MAGI1: variants seen among roughly 807,000 people sequenced by gnomAD.
The protein encoded by MAGI1 is membrane associated guanylate kinase, WW and PDZ domain containing 1.
A neutral mutation model predicts 139.9 loss-of-function variants in MAGI1; 58 were observed. The observed-to-expected ratio is 0.41, with a 90% CI of 0.34 to 0.52. The LOEUF is 0.52. Ranked by LOEUF, MAGI1 falls within the 20% of genes least tolerant of loss-of-function variation. The pLI is 0.12. For synonymous variants in MAGI1, 812 were observed against 737.9 expected, an observed-to-expected ratio of 1.10 and a Z score of -1.63; for missense variants, 1,874 against 1,901.6, an observed-to-expected ratio of 0.99 and a Z score of 0.27.
At chr3:65,615,839 T>A (rs1160478289) in intron 2 of MAGI1, among the ~76,000 whole-genome samples, 1 of 152,198 alleles carries the variant, frequency 6.6e-6, no homozygotes, top group Non-Finnish European at 1.5e-5. Context: ...ACATAAATCA[T>A]AGCTCACCTT....
At chr3:65,578,305 T>C (rs2081266714) in intron 2 of MAGI1, among the ~76,000 whole-genome samples, 2 of 152,168 alleles carry the variant, frequency 1.3e-5, no homozygotes, top group Admixed American at 1.3e-4. Context: ...CTGGACATAC[T>C]GTATTTGATA....
chr3:65,375,704 G>GAA, intron 18 of MAGI1, 41 bp downstream of exon 18: 1 of 1,372,208 alleles, frequency 7.3e-7, no homozygotes, highest in Non-Finnish European at 1.0e-6. Context: ...CAGAGAGAGA[G>GAA]AAAAAGAGAG....
At chr3:65,635,305 C>T (rs1026962439) in intron 1 of MAGI1, among the ~76,000 whole-genome samples, 1 of 152,094 alleles carries the variant, frequency 6.6e-6, no homozygotes. Context: ...CCTCATGATC[C>T]TCCTGCCTCG....
chr3:65,877,386 A>C (rs1381300747), intron 1 of MAGI1, among the ~76,000 whole-genome samples: 2 of 152,144 alleles, frequency 1.3e-5, no homozygotes, highest in Non-Finnish European at 1.5e-5. Context: ...TAGGGCACAA[A>C]CATAAATGTT....
rs185208233 is a variant in MAGI1, at chr3:65,970,209, G to T, written c.313+67787C>A. ...ATGCTACAACGTGAATAACCTTGAAGACATTTTGCTAAGTGAACTATGCCG... is the reference window on the plus strand; with the variant it reads ...ATGCTACAACGTGAATAACCTTGAATACATTTTGCTAAGTGAACTATGCCG... On this transcript the variant is annotated intron_variant, in intron 1 of 22. Transcript: ENST00000402939. 3.3e-5 allele frequency among the ~76,000 whole-genome samples: 5 copies of T among 152,272 alleles called. No homozygotes were observed. The East Asian group carries it at 9.6e-4, about 29-fold the overall frequency.
chr3:65,879,000 G>C (rs570043148), intron 1 of MAGI1, among the ~76,000 whole-genome samples: 78 of 152,158 alleles, frequency 5.1e-4, no homozygotes, highest in Middle Eastern at 6.8e-3. Flanking sequence ...CTCCTGCTGG[G>C]GGTTGCAGTG....
chr3:66,032,376 A>ATT lies in MAGI1; in HGVS notation c.313+5619_313+5620insAA, dbSNP rs2068656807. Among the ~76,000 whole-genome samples the ATT allele has an allele frequency of 3.5e-5, 3 of 86,140 alleles. No individual in the cohort carries two copies. In the South Asian group the frequency reaches 1.0e-3, roughly 30 times the overall value. The allele number at this position is 86,140 out of a possible 152,430, so 56.5% of individuals were successfully genotyped here. On this transcript the variant is annotated intron_variant, in intron 1 of 22. Coordinates refer to ENST00000402939, the MANE Select transcript of MAGI1 (RefSeq NM_001033057.2). ...CAGGCGCCCACCACCACGCCCGGCT[A>ATT]ATTTTTTTGTTTTTTTTTTTTTTTT... is the stretch of plus-strand genomic sequence containing the variant.
intron 1 of MAGI1, among the ~76,000 whole-genome samples, chr3:65,782,433 A>G (rs1380587758): frequency 6.6e-6 from 1 of 152,168 alleles, no homozygotes; most frequent in Admixed American, 6.5e-5. Flanking sequence ...TTAGCCCAGC[A>G]TCACCAGTCA....
chr3:65,520,680 G>A (rs573035121), intron 2 of MAGI1, among the ~76,000 whole-genome samples: 2 of 152,142 alleles, frequency 1.3e-5, no homozygotes, highest in South Asian at 2.1e-4. Context: ...CACAACTCCC[G>A]GATTTCCACT....
intron 2 of MAGI1, among the ~76,000 whole-genome samples, chr3:65,515,796 T>C (rs1042242940): frequency 6.6e-6 from 1 of 152,186 alleles, no homozygotes; most frequent in African/African-American, 2.4e-5. Context: ...CCAAATCATA[T>C]GGTCCAATAC....
At chr3:65,803,356 C>A (rs964969959) in intron 1 of MAGI1, among the ~76,000 whole-genome samples, 2 of 152,054 alleles carry the variant, frequency 1.3e-5, no homozygotes, top group Admixed American at 6.6e-5. Flanking sequence ...CATTTTCCCT[C>A]AATGCTCAAT....
intron 1 of MAGI1, among the ~76,000 whole-genome samples, chr3:65,835,841 T>G (rs1347939685): frequency 6.6e-6 from 1 of 152,194 alleles, no homozygotes; most frequent in African/African-American, 2.4e-5. Context: ...GCCCTGTGCT[T>G]GAAACCAGAA....
chr3:65,502,961 G>T (rs533809719), intron 2 of MAGI1, among the ~76,000 whole-genome samples: 2 of 152,258 alleles, frequency 1.3e-5, no homozygotes, highest in South Asian at 4.1e-4. Flanking sequence ...AAAAATCCAT[G>T]ATACAGGTAA....
At chr3:65,768,382 T>C (rs2037669029) in intron 1 of MAGI1, among the ~76,000 whole-genome samples, 1 of 151,990 alleles carries the variant, frequency 6.6e-6, no homozygotes, top group Non-Finnish European at 1.5e-5. Flanking sequence ...ATCACGCCAC[T>C]GGACTCCAAC....
At chr3:65,921,934 AC>A (rs1560016195) in intron 1 of MAGI1, among the ~76,000 whole-genome samples, 3 of 151,558 alleles carry the variant, frequency 2.0e-5, no homozygotes, top group Non-Finnish European at 4.4e-5. Flanking sequence ...ACACACACAC[AC>A]ACACACACAC....
At chr3:65,818,596 A>G (rs1461201269) in intron 1 of MAGI1, among the ~76,000 whole-genome samples, 2 of 152,192 alleles carry the variant, frequency 1.3e-5, no homozygotes, top group Admixed American at 1.3e-4. Flanking sequence ...CTTGTACAAC[A>G]GCGCAGCAAT....
intron 1 of MAGI1, among the ~76,000 whole-genome samples, chr3:65,803,406 T>C (rs184092615): frequency 6.6e-6 from 1 of 152,268 alleles, no homozygotes; most frequent in East Asian, 1.9e-4. Flanking sequence ...TGACTATAAA[T>C]AAAAGATAGA....
chr3:65,554,555 T>A (rs2079998008), intron 2 of MAGI1, among the ~76,000 whole-genome samples: 1 of 152,182 alleles, frequency 6.6e-6, no homozygotes, highest in South Asian at 2.1e-4. Flanking sequence ...ACCCATCATT[T>A]ACACATGCAA....
At chr3:65,829,775 A>T (rs1413806792) in intron 1 of MAGI1, among the ~76,000 whole-genome samples, 1 of 152,198 alleles carries the variant, frequency 6.6e-6, no homozygotes, top group Non-Finnish European at 1.5e-5. Context: ...ACTCTCAAAG[A>T]TATTAAATCA....
Sources: allele counts gnomAD v4.1 joint callset (sites outside exome capture counted in the v4.1 genomes callset), GRCh38; gene constraint gnomAD v4.1.1; transcripts MANE v1.5; gene names NCBI Gene and HGNC (gene_info 2026-07-23, HGNC 2026-07-21).